Variants in ARK2C observed in about 807,000 individuals in gnomAD.
ARK2C encodes E3 ubiquitin-protein ligase ARK2C.
the ARK2C span, among the ~76,000 whole-genome samples, chr18:46,412,761 G>A: frequency 7.9e-5 from 12 of 152,136 alleles, no homozygotes; most frequent in Non-Finnish European, 1.6e-4. Context: ...GGGCAGGTAC[G>A]GAGATGCTGC....
the ARK2C span, among the ~76,000 whole-genome samples, chr18:46,439,565 C>T: frequency 1.7e-4 from 26 of 152,296 alleles, no homozygotes; most frequent in Middle Eastern, 6.8e-3. Context: ...CTGCAAGAAA[C>T]GACTGCTTGC....
the ARK2C span, among the ~76,000 whole-genome samples, chr18:46,357,666 A>T: frequency 6.6e-6 from 1 of 152,206 alleles, no homozygotes; most frequent in Admixed American, 6.5e-5. Flanking sequence ...GAGGACAGCA[A>T]GATGCCTCCA....
the ARK2C span, among the ~76,000 whole-genome samples, chr18:46,400,466 T>C: frequency 6.6e-6 from 1 of 152,134 alleles, no homozygotes; most frequent in Non-Finnish European, 1.5e-5. Flanking sequence ...TCAACTCAGA[T>C]CCAGTGGGGA....
chr18:46,427,339 G>T, the ARK2C span, among the ~76,000 whole-genome samples: 1 of 152,234 alleles, frequency 6.6e-6, no homozygotes, highest in Non-Finnish European at 1.5e-5. Context: ...TTGTAGGATG[G>T]TAGAAACCTC....
chr18:46,372,337 C>G, the ARK2C span, among the ~76,000 whole-genome samples: 580 of 152,306 alleles, frequency 3.8e-3, 1 homozygote, highest in African/African-American at 0.013. Context: ...CAAGTCACTT[C>G]GCTCTTCCTG....
the ARK2C span, chr18:46,450,437 AGATG>A: frequency 2.1e-6 from 3 of 1,406,110 alleles, no homozygotes; most frequent in Non-Finnish European, 3.0e-6. Context: ...GGGTTGGTGG[AGATG>A]CCATTATTGT....
the ARK2C span, among the ~76,000 whole-genome samples, chr18:46,388,996 G>C: frequency 3.3e-5 from 5 of 152,170 alleles, no homozygotes; most frequent in Non-Finnish European, 2.9e-5. Flanking sequence ...TTGACTCTCG[G>C]TTCACGAGGA....
chr18:46,408,286 A>G, the ARK2C span, among the ~76,000 whole-genome samples: 1 of 152,238 alleles, frequency 6.6e-6, no homozygotes, highest in Non-Finnish European at 1.5e-5. Context: ...TGAAGGGGCT[A>G]CTGAGAAGAT....
At chr18:46,375,980 G>A in the ARK2C span, among the ~76,000 whole-genome samples, 7 of 152,158 alleles carry the variant, frequency 4.6e-5, no homozygotes, top group South Asian at 2.1e-4. Context: ...TCTTGTCTAC[G>A]AAGTGGATGA....
the ARK2C span, among the ~76,000 whole-genome samples, chr18:46,424,964 C>T: frequency 3.9e-5 from 6 of 152,228 alleles, no homozygotes; most frequent in Non-Finnish European, 8.8e-5. Context: ...CGCTGAACCC[C>T]GGCTCTTGAG....
the ARK2C span, among the ~76,000 whole-genome samples, chr18:46,413,893 C>A: frequency 1.3e-5 from 2 of 152,168 alleles, no homozygotes; most frequent in African/African-American, 2.4e-5. Flanking sequence ...TCTCATGGAT[C>A]CTTCCAGGAA....
At chr18:46,446,516 CA>C in the ARK2C span, among the ~76,000 whole-genome samples, 1 of 151,676 alleles carries the variant, frequency 6.6e-6, no homozygotes, top group East Asian at 1.9e-4. Context: ...ACTAAAACTA[CA>C]AAAGTTATCC....
the ARK2C span, among the ~76,000 whole-genome samples, chr18:46,431,802 C>A: frequency 6.6e-6 from 1 of 152,220 alleles, no homozygotes; most frequent in African/African-American, 2.4e-5. Flanking sequence ...CTGTTCTCGG[C>A]TCTGCCCTTT....
chr18:46,378,552 C>T, the ARK2C span, among the ~76,000 whole-genome samples: 1 of 152,164 alleles, frequency 6.6e-6, no homozygotes, highest in East Asian at 1.9e-4. Flanking sequence ...TCAGATGATC[C>T]CTCCATTTGA....
At chr18:46,334,625 C>T in the ARK2C span, 1 of 480,600 alleles carries the variant, frequency 2.1e-6, no homozygotes, top group African/African-American at 2.1e-5. The surrounding 1 kb of genome is among the most constrained non-coding windows in gnomAD (Gnocchi z 4.4). Flanking sequence ...CAGCCCCTTC[C>T]CCTAATACCT....
the ARK2C span, among the ~76,000 whole-genome samples, chr18:46,393,983 G>A: frequency 8.5e-5 from 13 of 152,234 alleles, no homozygotes; most frequent in Middle Eastern, 3.2e-3. Context: ...ATGCAGTGGG[G>A]CTGGCCCCTG....
chr18:46,340,817 G>A, the ARK2C span, among the ~76,000 whole-genome samples: 1 of 152,230 alleles, frequency 6.6e-6, no homozygotes, highest in African/African-American at 2.4e-5. Flanking sequence ...CACAACTGTA[G>A]GTGTTTGCTA....
chr18:46,420,672 C>T, the ARK2C span, among the ~76,000 whole-genome samples: 1 of 152,008 alleles, frequency 6.6e-6, no homozygotes, highest in African/African-American at 2.4e-5. Flanking sequence ...TGGTGAAACC[C>T]CATCTCTACT....
At chr18:46,424,638 T>C in the ARK2C span, among the ~76,000 whole-genome samples, 1 of 152,198 alleles carries the variant, frequency 6.6e-6, no homozygotes, top group Non-Finnish European at 1.5e-5. Flanking sequence ...GTGAATAAGA[T>C]GAGAGGCCTG....
Sources: gnomAD v4.1 joint callset for allele counts (sites outside exome capture counted in the v4.1 genomes callset) on GRCh38, gnomAD v4.1.1 for gene constraint, Gnocchi (gnomAD v3.1) non-coding constraint, MANE v1.5 for transcripts, NCBI Gene and HGNC (gene_info 2026-07-23, HGNC 2026-07-21) for gene names.